The following TRPM6 variants were observed in gnomAD, a reference collection of about 807,000 sequenced individuals.
TRPM6 encodes channel kinase 2.
Under a neutral mutation model 247.6 loss-of-function variants are expected in TRPM6, and 111 were observed. That is an observed-to-expected ratio of 0.45 (90% CI 0.38 to 0.52). TRPM6 has a LOEUF of 0.52. Among genes scored for constraint, TRPM6 ranks in the 20% least tolerant of loss-of-function variants. The probability of loss-of-function intolerance (pLI) is 0.00; values close to 1 mark genes in which losing one functional copy is unlikely to be tolerated. For synonymous variants in TRPM6, 892 were observed against 853.8 expected, an observed-to-expected ratio of 1.04 and a Z score of -0.78; for missense variants, 2,126 against 2,421.5, an observed-to-expected ratio of 0.88 and a Z score of 2.56.
chr9:74,828,787 C>T (rs1481789071), intron 6 of TRPM6, among the ~76,000 whole-genome samples: 1 of 151,992 alleles, frequency 6.6e-6, no homozygotes, highest in African/African-American at 2.4e-5. Flanking sequence ...CATCTCCACG[C>T]TTGGCTAATT....
At chr9:74,746,086 C>T (rs1436425300) in intron 31 of TRPM6, among the ~76,000 whole-genome samples, 1 of 151,916 alleles carries the variant, frequency 6.6e-6, no homozygotes, top group African/African-American at 2.4e-5. Context: ...ACTAAAGATA[C>T]AAAAAATTAG....
In TRPM6 at chr9:74,887,817, A is replaced by G; in HGVS notation, c.33+7T>C. 9 of 1,614,090 alleles carry G rather than the reference A, an allele frequency of 5.6e-6. No homozygotes were observed. The highest frequency in any genetic ancestry group is 7.6e-6 in the Non-Finnish European group (9 of 1,180,016). On this transcript the variant is annotated splice_region_variant and intron_variant, in intron 1 of 38. Transcript: ENST00000360774. ...TGTTCCCCGCCAGTCGAGCAGCCTGAGCTTACCTGCAAGCGCTCCAAGACA... is the reference window on the plus strand; with the variant it reads ...TGTTCCCCGCCAGTCGAGCAGCCTGGGCTTACCTGCAAGCGCTCCAAGACA...
chr9:74,791,923 C>T (rs1002803372), intron 19 of TRPM6, among the ~76,000 whole-genome samples: 2 of 152,014 alleles, frequency 1.3e-5, no homozygotes, highest in Non-Finnish European at 2.9e-5. Context: ...CGCCCGGCTA[C>T]TTTTTTTGTA....
chr9:74,818,537 A>T (rs909181075), intron 9 of TRPM6, among the ~76,000 whole-genome samples: 2 of 152,064 alleles, frequency 1.3e-5, no homozygotes, highest in Non-Finnish European at 2.9e-5. Flanking sequence ...TCCTGATGTC[A>T]GGTGATCCAC....
At chr9:74,784,669 C>T (rs1332891113) in intron 21 of TRPM6, among the ~76,000 whole-genome samples, 6 of 152,122 alleles carry the variant, frequency 3.9e-5, no homozygotes, top group African/African-American at 1.2e-4. Context: ...TGACTCAATC[C>T]CATACCATCT....
intron 18 of TRPM6, among the ~76,000 whole-genome samples, chr9:74,795,951 AC>A (rs1828081754): frequency 6.6e-6 from 1 of 152,114 alleles, no homozygotes; most frequent in Admixed American, 6.6e-5. Context: ...CACTATTACC[AC>A]AAGAAGACAA....
chr9:74,749,222 G>A (rs558720751), intron 30 of TRPM6, among the ~76,000 whole-genome samples: 3 of 152,060 alleles, frequency 2.0e-5, no homozygotes, highest in African/African-American at 4.8e-5. Context: ...GTATCCTGTC[G>A]TTAATTGATG....
At chr9:74,737,600 C>T in intron 36 of TRPM6, 1 of 411,232 alleles carries the variant, frequency 2.4e-6, no homozygotes, top group Non-Finnish European at 4.3e-6. Context: ...CTTAAGTCTG[C>T]ATCCTGGCTC....
chr9:74,862,096 G>GAAAAAA lies in TRPM6; in HGVS notation c.34-3354_34-3349dup, dbSNP rs577562437. Among the ~76,000 whole-genome samples, 306 of 100,464 alleles carry GAAAAAA rather than the reference G, an allele frequency of 3.0e-3. 14 individuals are homozygous for GAAAAAA. Among genetic ancestry groups the GAAAAAA allele is most frequent in the African/African-American group, 0.011 (283 of 25,046 alleles). The allele number at this position is 100,464 out of a possible 152,430, so 65.9% of individuals were successfully genotyped here. A position where few individuals can be genotyped will look rare whatever the true frequency, so the allele number is the denominator to read the frequency against. On this transcript the variant is annotated intron_variant, in intron 1 of 38. Coordinates refer to ENST00000360774, the MANE Select transcript of TRPM6 (RefSeq NM_017662.5). ...CGGTTATCTTATCTCAAAACTACCA[G>GAAAAAA]AAAAAAAAAAAAAAAAAAAAAGCAG...
intron 3 of TRPM6, among the ~76,000 whole-genome samples, chr9:74,848,470 T>C (rs190388751): frequency 6.6e-6 from 1 of 152,330 alleles, no homozygotes; most frequent in Admixed American, 6.5e-5. Flanking sequence ...CCACTCTGAA[T>C]GGCACGCAAT....
At chr9:74,856,639 C>T (rs961673021) in intron 2 of TRPM6, among the ~76,000 whole-genome samples, 1 of 152,116 alleles carries the variant, frequency 6.6e-6, no homozygotes, top group African/African-American at 2.4e-5. Context: ...TTCTCAGAAG[C>T]TTTCCTTCAA....
At chr9:74,839,870 G>A (rs1236724574) in intron 5 of TRPM6, among the ~76,000 whole-genome samples, 154 bp downstream of exon 5, 1 of 68,194 alleles carries the variant, frequency 1.5e-5, no homozygotes. Context: ...AGGAAGGAAG[G>A]AAGGAAGGAA....
chr9:74,797,174 A>T (rs1486368398), intron 17 of TRPM6, among the ~76,000 whole-genome samples: 1 of 152,216 alleles, frequency 6.6e-6, no homozygotes, highest in Non-Finnish European at 1.5e-5. Context: ...CTAGAGAGGG[A>T]CAGCTGGTCT....
At chr9:74,837,311 TG>T (rs1386526672) in intron 5 of TRPM6, among the ~76,000 whole-genome samples, 1 of 152,170 alleles carries the variant, frequency 6.6e-6, no homozygotes, top group African/African-American at 2.4e-5. Context: ...AGGTCTGGGG[TG>T]GGGCCTGAAA....
At position 74,853,183 on chromosome 9, in the gene TRPM6, C is replaced by G. The variant is rs1422850991; in HGVS notation, c.152+2344G>C. Among the ~76,000 whole-genome samples the G allele has an allele frequency of 4.1e-4, 63 of 151,860 alleles. No homozygotes were observed. The East Asian group carries it at 0.01, about 24-fold the overall frequency. ...TGAGCAGCGTCTCTGCCCGGCCGCC[C>G]CGTCTGAGAAGTGAGAAGCCCCTCC... is the stretch of plus-strand genomic sequence containing the variant. On this transcript the variant is annotated intron_variant, in intron 3 of 38. Coordinates refer to ENST00000360774, the MANE Select transcript of TRPM6 (RefSeq NM_017662.5).
intron 24 of TRPM6, 97 bp from the exon 25 acceptor site, chr9:74,771,932 C>T: frequency 8.6e-7 from 1 of 1,167,866 alleles, no homozygotes; most frequent in Non-Finnish European, 1.2e-6. Flanking sequence ...AAACTATAGC[C>T]TGTTGTGATA....
Position 74,804,667 on chromosome 9 carries a change from A to G in TRPM6, c.1639-781T>C. 3 of 753,866 alleles carry G rather than the reference A, an allele frequency of 4.0e-6. 1 individual carries two copies. The Admixed American group carries it at 5.2e-5, about 13-fold the overall frequency. The allele number at this position is 753,866 out of a possible 1,614,324, so 46.7% of individuals were successfully genotyped here. ...AAGGTGTCCTCTGTGACTATTCAGC[A>G]GTTCCCTACTGAAGACTGGAGCTCT... On this transcript the variant is annotated intron_variant, in intron 14 of 38. Coordinates refer to ENST00000360774, the MANE Select transcript of TRPM6 (RefSeq NM_017662.5).
Position 74,834,020 on chromosome 9 carries a change from T to C in TRPM6, c.647A>G (p.Gln216Arg). ...GIPPWGVIEN[Q>R]RDLIGKDVVC... Reference sequence around the variant, plus strand: ...TACATCTTTTCCAATAAGGTCTCTCTGGTTCTCAATGACACCCCAAGGAGG... The same window carrying C: ...TACATCTTTTCCAATAAGGTCTCTCCGGTTCTCAATGACACCCCAAGGAGG... Residue 216 changes from glutamine (Q) to arginine (R), a missense_variant, in exon 6 of 39, where the codon CAG (glutamine) becomes CGG (arginine). Transcript: ENST00000360774. 8 of 1,614,166 alleles carry C rather than the reference T, an allele frequency of 5.0e-6. No homozygotes were observed. Among genetic ancestry groups the C allele is most frequent in the Non-Finnish European group, 6.8e-6 (8 of 1,179,990 alleles).
At chr9:74,729,237 T>C (rs565366153) in intron 37 of TRPM6, among the ~76,000 whole-genome samples, 1 of 152,330 alleles carries the variant, frequency 6.6e-6, no homozygotes, top group East Asian at 1.9e-4. Context: ...ATTACCGCTC[T>C]TAAATACCAC....
Sources: gnomAD v4.1 joint callset for allele counts (sites outside exome capture counted in the v4.1 genomes callset) on GRCh38, gnomAD v4.1.1 for gene constraint, MANE v1.5 for transcripts, NCBI Gene and HGNC (gene_info 2026-07-23, HGNC 2026-07-21) for gene names.